The following SEZ6L variants were observed in gnomAD, a reference collection of about 807,000 sequenced individuals.
SEZ6L encodes the protein seizure 6-like protein.
A neutral mutation model predicts 106.2 loss-of-function variants in SEZ6L; 37 were observed. The observed-to-expected ratio is 0.35, with a 90% CI of 0.27 to 0.46. The LOEUF is 0.46. Ranked by LOEUF, SEZ6L falls within the 20% of genes least tolerant of loss-of-function variation. The pLI is 1.00. For missense variants in SEZ6L, 1,172 were observed against 1,332.8 expected (o/e 0.88, Z 1.88); for synonymous variants, 541 against 570.4 (o/e 0.95, Z 0.73).
chr22:26,197,036 G>A (rs1386782814), intron 1 of SEZ6L, among the ~76,000 whole-genome samples: 2 of 152,194 alleles, frequency 1.3e-5, no homozygotes, highest in African/African-American at 4.8e-5. Context: ...ATACATTTTA[G>A]AGAGATGCAT....
chr22:26,194,070 A>C (rs926018858), intron 1 of SEZ6L, among the ~76,000 whole-genome samples: 6 of 152,214 alleles, frequency 3.9e-5, no homozygotes, highest in African/African-American at 1.4e-4. Context: ...GATCCCTCCT[A>C]GATCCCAAAG....
intron 14 of SEZ6L, 75 bp from the exon 15 acceptor site, chr22:26,375,500 G>T (rs549954560): frequency 1.7e-6 from 2 of 1,208,038 alleles, no homozygotes; most frequent in Non-Finnish European, 2.4e-6. Flanking sequence ...CAAAGGGGTG[G>T]AGAACTGGGC....
chr22:26,288,073 T>C (rs1333907145), intron 1 of SEZ6L, among the ~76,000 whole-genome samples: 3 of 152,230 alleles, frequency 2.0e-5, no homozygotes, highest in Non-Finnish European at 4.4e-5. Flanking sequence ...GGAATCTGTT[T>C]TCTTGCATTT....
Position 26,169,713 on chromosome 22 carries a change from C to A in SEZ6L, c.44C>A (p.Ser15Ter). 7.7e-7 allele frequency: 1 copy of A among 1,301,470 alleles called. No individual in the cohort carries two copies. The highest frequency in any genetic ancestry group is 9.7e-7 in the Non-Finnish European group (1 of 1,028,040). 80.6% of individuals were successfully genotyped at this position (1,301,470 alleles called of 1,614,324 possible). The stretch of plus-strand genomic sequence containing the variant: ...CCCGCCGCGGGACTCCGCGGGATCT[C>A]GCTGTTCCTCGCTCTGCTCCTGGGG... Reference protein sequence around the residue: ...RPPAAGLRGISLFLALLLGSP... With the variant: ...RPPAAGLRGI Residue 15 changes from serine (S) to a stop codon, truncating the protein, a stop_gained, in exon 1 of 17, where the codon TCG becomes TAG. Transcript: ENST00000248933. LOFTEE classifies it high-confidence loss of function.
intron 1 of SEZ6L, among the ~76,000 whole-genome samples, chr22:26,180,098 A>T (rs570284833): frequency 3.2e-4 from 49 of 152,174 alleles, no homozygotes; most frequent in Non-Finnish European, 5.0e-4. Flanking sequence ...TTGGTTCTTC[A>T]TACTTAATCC....
intron 9 of SEZ6L, among the ~76,000 whole-genome samples, chr22:26,323,519 G>A (rs147934255): frequency 0.013 from 1,963 of 152,264 alleles, 35 homozygotes; most frequent in African/African-American, 0.044. Flanking sequence ...TGTGGTCCCA[G>A]CTACTTGAGA....
At position 26,311,759 on chromosome 22, in the gene SEZ6L, C is replaced by T; in HGVS notation, c.1682-9C>T. On this transcript the variant is annotated splice_polypyrimidine_tract_variant and intron_variant, in intron 7 of 16. Coordinates refer to ENST00000248933, the MANE Select transcript of SEZ6L (RefSeq NM_021115.5). Reference sequence around the variant, plus strand: ...CATCTGAACTGCTGCCTCTCTTTCCCTTCCTCAGCGTTTGAGAAAGGCCAC... The same window carrying T: ...CATCTGAACTGCTGCCTCTCTTTCCTTTCCTCAGCGTTTGAGAAAGGCCAC... 2.5e-6 allele frequency: 4 copies of T among 1,612,876 alleles called. No homozygotes were observed. The highest frequency in any genetic ancestry group is 3.4e-6 in the Non-Finnish European group (4 of 1,178,910).
chr22:26,377,695 C>G lies in SEZ6L; in HGVS notation c.2965C>G (p.Arg989Gly), dbSNP rs565688176. The change falls in exon 16 of 17, where the codon CGC becomes GGC. Residue 989 changes from arginine to glycine, a missense_variant. Physicochemically the swap from Arg to Gly is moderately radical, Grantham distance 125 (BLOSUM62 -2). Transcript: ENST00000248933. ...ITRCRYYSNL[R>G]LPLMYSHPYS... is the part of the protein sequence containing the mutation. ...CAGATGTCGCTACTATTCCAACCTCCGCCTGCCTCTGATGTACTCCCACCC... is the reference window on the plus strand; with the variant it reads ...CAGATGTCGCTACTATTCCAACCTCGGCCTGCCTCTGATGTACTCCCACCC... The G allele has an allele frequency of 6.2e-7, 1 of 1,613,790 alleles. No individual in the cohort carries two copies. The highest frequency in any genetic ancestry group is 8.5e-7 in the Non-Finnish European group (1 of 1,179,808).
chr22:26,316,460 G>GA, intron 9 of SEZ6L, among the ~76,000 whole-genome samples: 1 of 152,306 alleles, frequency 6.6e-6, no homozygotes, highest in African/African-American at 2.4e-5. Context: ...GCACCTGAGT[G>GA]AAATCAGGAG....
chr22:26,220,929 G>A (rs76847972), intron 1 of SEZ6L, among the ~76,000 whole-genome samples: 17 of 137,748 alleles, frequency 1.2e-4, no homozygotes, highest in Middle Eastern at 3.6e-3. Context: ...GGATGGATGG[G>A]TGGATGGATG....
At chr22:26,354,646 A>G (rs984350041) in intron 12 of SEZ6L, among the ~76,000 whole-genome samples, 2 of 152,232 alleles carry the variant, frequency 1.3e-5, no homozygotes, top group Admixed American at 1.3e-4. Context: ...AGCTTCTATT[A>G]AAATACTGAA....
chr22:26,340,543 C>T lies in SEZ6L; in HGVS notation c.2123C>T (p.Ser708Phe). The change falls in exon 10 of 17, where the codon TCC becomes TTC. Residue 708 changes from serine to phenylalanine, a missense_variant. Transcript: ENST00000248933. ...LGNSGPQKLY[S>F]STPDLTIQFH... ...AACAGTGGCCCCCAGAAACTGTACT[C>T]CTCCACGCCAGACTTAACCATCCAG... The T allele has an allele frequency of 6.2e-7, 1 of 1,614,174 alleles. No homozygotes were observed. The highest frequency in any genetic ancestry group is 8.5e-7 in the Non-Finnish European group (1 of 1,180,036).
intron 1 of SEZ6L, among the ~76,000 whole-genome samples, chr22:26,254,520 C>A (rs1320277335): frequency 2.6e-5 from 4 of 152,008 alleles, no homozygotes; most frequent in Non-Finnish European, 5.9e-5. Flanking sequence ...TGGGAGGCCA[C>A]GGCGGGAGGA....
intron 1 of SEZ6L, among the ~76,000 whole-genome samples, chr22:26,225,424 G>A (rs769922336): frequency 5.9e-5 from 9 of 152,048 alleles, no homozygotes; most frequent in Non-Finnish European, 1.2e-4. Flanking sequence ...TATTAGACTC[G>A]GATTGGCTGA....
chr22:26,337,465 C>T (rs185806397), intron 9 of SEZ6L, among the ~76,000 whole-genome samples: 32 of 152,302 alleles, frequency 2.1e-4, no homozygotes, highest in East Asian at 5.8e-4. Context: ...TAGTCTAATC[C>T]GGCACTTTCA....
At chr22:26,196,090 T>G (rs1357213710) in intron 1 of SEZ6L, among the ~76,000 whole-genome samples, 2 of 152,172 alleles carry the variant, frequency 1.3e-5, no homozygotes, top group Non-Finnish European at 2.9e-5. Flanking sequence ...GATTTGATCA[T>G]GGGGGTGGTC....
At chr22:26,238,304 G>A (rs79292044) in intron 1 of SEZ6L, among the ~76,000 whole-genome samples, 3,710 of 152,336 alleles carry the variant, frequency 0.024, 160 homozygotes, top group African/African-American at 0.085. Flanking sequence ...CCACTACGGG[G>A]CAAAGCACTC....
intron 5 of SEZ6L, 47 bp downstream of exon 5, chr22:26,299,216 G>C: frequency 7.6e-7 from 1 of 1,318,860 alleles, no homozygotes; most frequent in Non-Finnish European, 9.8e-7. Context: ...CCAACTAAGA[G>C]GGGAAAGACC....
intron 3 of SEZ6L, among the ~76,000 whole-genome samples, chr22:26,294,826 TCTTG>T (rs372757123): frequency 7.6e-4 from 115 of 150,956 alleles, no homozygotes; most frequent in South Asian, 2.5e-3. Flanking sequence ...TCTCTTTCTT[TCTTG>T]CTTGCTTGCT....
Sources: gnomAD v4.1 joint callset for allele counts (sites outside exome capture counted in the v4.1 genomes callset) on GRCh38, gnomAD v4.1.1 for gene constraint, MANE v1.5 for transcripts, NCBI Gene and HGNC (gene_info 2026-07-23, HGNC 2026-07-21) for gene names.